The following GALNTL6 variants were observed in gnomAD, a reference collection of about 807,000 sequenced individuals.
The protein encoded by GALNTL6 is polypeptide N-acetylgalactosaminyltransferase-like 6.
GALNTL6 carries 46 observed loss-of-function variants against 73.7 expected under a neutral mutation model. That is an observed-to-expected ratio of 0.62 (90% CI 0.49 to 0.80). GALNTL6 has a LOEUF of 0.80. GALNTL6 is among the 30% of genes least tolerant of loss of function. The pLI is 0.00. For missense variants in GALNTL6, 604 were observed against 755.0 expected (o/e 0.80, Z 2.34); for synonymous variants, 259 against 263.7 (o/e 0.98, Z 0.17).
intron 5 of GALNTL6, among the ~76,000 whole-genome samples, chr4:172,456,287 C>A (rs999782247): frequency 6.6e-6 from 1 of 151,878 alleles, no homozygotes; most frequent in Non-Finnish European, 1.5e-5. Context: ...ACCAGAACAC[C>A]TCTTCTCCTC....
At chr4:172,356,626 C>T (rs1561043105) in intron 5 of GALNTL6, among the ~76,000 whole-genome samples, 1 of 152,052 alleles carries the variant, frequency 6.6e-6, no homozygotes, top group Admixed American at 6.6e-5. Flanking sequence ...CAAAATTCTC[C>T]CCTAATAAGA....
At chr4:172,969,781 T>C (rs1750488745) in intron 10 of GALNTL6, among the ~76,000 whole-genome samples, 1 of 152,212 alleles carries the variant, frequency 6.6e-6, no homozygotes, top group African/African-American at 2.4e-5. Context: ...TGCAACAATG[T>C]TGAACAGTAG....
chr4:171,864,427 G>A (rs1017311354), intron 2 of GALNTL6, among the ~76,000 whole-genome samples: 1 of 152,168 alleles, frequency 6.6e-6, no homozygotes, highest in African/African-American at 2.4e-5. Context: ...TAGATAGCAA[G>A]ATATGCTAGC....
Position 172,264,899 on chromosome 4 carries a change from T to C in GALNTL6, c.247+35135T>C, listed in dbSNP as rs528347174. 6.6e-5 allele frequency among the ~76,000 whole-genome samples: 10 copies of C among 151,660 alleles called. No homozygotes were observed. The South Asian group carries it at 2.1e-3, about 31-fold the overall frequency. ...AAGCTGCATAGTTTTCTTGGCTTTGTCAAATTTATACAGTGCAACCACAAA... is the reference window on the plus strand; with the variant it reads ...AAGCTGCATAGTTTTCTTGGCTTTGCCAAATTTATACAGTGCAACCACAAA... On this transcript the variant is annotated intron_variant, in intron 3 of 12. Coordinates refer to ENST00000506823, the MANE Select transcript of GALNTL6 (RefSeq NM_001034845.3).
intron 5 of GALNTL6, among the ~76,000 whole-genome samples, chr4:172,448,494 G>A (rs1204779006): frequency 1.3e-5 from 2 of 152,054 alleles, no homozygotes; most frequent in East Asian, 3.9e-4. Context: ...TTAGAACATT[G>A]ACACATCAGA....
chr4:172,154,951 G>A (rs1734210386), intron 2 of GALNTL6, among the ~76,000 whole-genome samples: 1 of 152,158 alleles, frequency 6.6e-6, no homozygotes, highest in African/African-American at 2.4e-5. Flanking sequence ...TCAGGAGGTA[G>A]GGCCTTTGGG....
chr4:172,827,664 G>A (rs528819959), intron 7 of GALNTL6, among the ~76,000 whole-genome samples: 2 of 152,106 alleles, frequency 1.3e-5, no homozygotes, highest in Admixed American at 1.3e-4. Context: ...TCTTGCAAAT[G>A]AAAGCTCTGT....
intron 5 of GALNTL6, among the ~76,000 whole-genome samples, chr4:172,491,351 C>CAA (rs201195053): frequency 3.9e-4 from 14 of 36,320 alleles, no homozygotes; most frequent in East Asian, 9.4e-4. Context: ...TAAAAACAAA[C>CAA]AAAAACAAAA....
chr4:171,996,844 C>T (rs923128622), intron 2 of GALNTL6, among the ~76,000 whole-genome samples: 1 of 151,784 alleles, frequency 6.6e-6, no homozygotes, highest in African/African-American at 2.4e-5. Context: ...AACAAGCTTG[C>T]TTTAAAGTAA....
At chr4:172,948,492 G>C (rs1412829466) in intron 9 of GALNTL6, among the ~76,000 whole-genome samples, 1 of 150,790 alleles carries the variant, frequency 6.6e-6, no homozygotes. Flanking sequence ...TGCTTTTTTT[G>C]CCCGGGCTGG....
chr4:171,963,055 T>A (rs547225392), intron 2 of GALNTL6, among the ~76,000 whole-genome samples: 12 of 145,462 alleles, frequency 8.2e-5, no homozygotes, highest in African/African-American at 2.2e-4. Flanking sequence ...TGTGAGCCAC[T>A]GCGCCCAACC....
intron 3 of GALNTL6, among the ~76,000 whole-genome samples, chr4:172,230,363 G>T (rs776356890): frequency 6.6e-6 from 1 of 152,000 alleles, no homozygotes; most frequent in Non-Finnish European, 1.5e-5. Context: ...CGAGGCAGGC[G>T]GATCACAAGG....
chr4:172,711,132 G>A (rs1005528494), intron 5 of GALNTL6, among the ~76,000 whole-genome samples: 1 of 152,174 alleles, frequency 6.6e-6, no homozygotes, highest in African/African-American at 2.4e-5. Context: ...TATGCGGTAG[G>A]AGGAATGTGA....
intron 3 of GALNTL6, among the ~76,000 whole-genome samples, chr4:172,262,681 A>G (rs1020929839): frequency 1.3e-5 from 2 of 151,118 alleles, no homozygotes; most frequent in East Asian, 3.9e-4. Flanking sequence ...CTGCCTAAAT[A>G]TCTTGGTTTT....
At chr4:171,835,301 T>A (rs1735070568) in intron 2 of GALNTL6, among the ~76,000 whole-genome samples, 1 of 152,022 alleles carries the variant, frequency 6.6e-6, no homozygotes, top group Admixed American at 6.6e-5. Flanking sequence ...TGTGTGTCTG[T>A]GTATGTATAT....
At chr4:172,655,905 G>A (rs1730978511) in intron 5 of GALNTL6, among the ~76,000 whole-genome samples, 1 of 152,148 alleles carries the variant, frequency 6.6e-6, no homozygotes, top group African/African-American at 2.4e-5. Flanking sequence ...AAAGAAGGAT[G>A]AAGAATGAAA....
At chr4:172,741,681 G>A (rs1193481678) in intron 5 of GALNTL6, among the ~76,000 whole-genome samples, 1 of 151,780 alleles carries the variant, frequency 6.6e-6, no homozygotes, top group Non-Finnish European at 1.5e-5. Context: ...ATAGATATAA[G>A]AGGTAATATT....
chr4:172,691,266 G>C (rs974053018), intron 5 of GALNTL6, among the ~76,000 whole-genome samples: 2 of 152,100 alleles, frequency 1.3e-5, no homozygotes, highest in Non-Finnish European at 2.9e-5. Flanking sequence ...CTGGACAGAG[G>C]GTTCATGGGG....
intron 10 of GALNTL6, among the ~76,000 whole-genome samples, chr4:172,984,412 C>G (rs1311072549): frequency 6.6e-6 from 1 of 152,168 alleles, no homozygotes; most frequent in East Asian, 1.9e-4. Context: ...CTGGGGGAAA[C>G]CGCCCCCATG....
Sources: allele counts gnomAD v4.1 joint callset (sites outside exome capture counted in the v4.1 genomes callset), GRCh38; gene constraint gnomAD v4.1.1; transcripts MANE v1.5; gene names NCBI Gene and HGNC (gene_info 2026-07-23, HGNC 2026-07-21).